The following IQSEC1 variants were observed in gnomAD, a reference collection of about 807,000 sequenced individuals.
IQSEC1 encodes the protein IQ motif and SEC7 domain-containing protein 1.
A neutral mutation model predicts 91.0 loss-of-function variants in IQSEC1; 31 were observed. The ratio of observed to expected loss-of-function variants is 0.34; its 90% confidence interval spans 0.26 to 0.46. The LOEUF is 0.46. Ranked by LOEUF, IQSEC1 falls within the 20% of genes least tolerant of loss-of-function variation. The pLI is 1.00. For missense variants in IQSEC1, 1,388 were observed against 1,575.6 expected, an observed-to-expected ratio of 0.88 and a Z score of 2.02; for synonymous variants, 699 against 662.6, an observed-to-expected ratio of 1.05 and a Z score of -0.84.
intron 1 of IQSEC1, among the ~76,000 whole-genome samples, chr3:13,209,649 G>A (rs1475924833): frequency 6.6e-6 from 1 of 152,190 alleles, no homozygotes; most frequent in African/African-American, 2.4e-5. Context: ...CACACTGAAG[G>A]TCTCTAGTTG....
intron 1 of IQSEC1, among the ~76,000 whole-genome samples, chr3:13,262,352 C>T (rs927650032): frequency 6.6e-6 from 1 of 152,232 alleles, no homozygotes; most frequent in African/African-American, 2.4e-5. Flanking sequence ...AGCCTGTCCC[C>T]GTCCCTCTTA....
chr3:13,070,842 A>G (rs1445296297), intron 1 of IQSEC1, among the ~76,000 whole-genome samples: 1 of 152,250 alleles, frequency 6.6e-6, no homozygotes, highest in Admixed American at 6.5e-5. Context: ...CAGGAAGGCT[A>G]GACGAGCTTA....
At chr3:13,097,107 A>G (rs1419902100) in intron 2 of IQSEC1, among the ~76,000 whole-genome samples, 1 of 151,844 alleles carries the variant, frequency 6.6e-6, no homozygotes, top group Non-Finnish European at 1.5e-5. Context: ...TGATCCGCCC[A>G]CCTCGGCCTC....
At chr3:13,164,704 C>T (rs959593882) in intron 1 of IQSEC1, among the ~76,000 whole-genome samples, 4 of 152,178 alleles carry the variant, frequency 2.6e-5, no homozygotes, top group East Asian at 1.9e-4. Flanking sequence ...TGAACTTTCA[C>T]GAAGACTGTG....
intron 1 of IQSEC1, among the ~76,000 whole-genome samples, chr3:13,035,418 C>G (rs192048441): frequency 6.6e-6 from 1 of 152,176 alleles, no homozygotes; most frequent in Non-Finnish European, 1.5e-5. Flanking sequence ...CAAGACCCAT[C>G]TCAGCTCTAA....
intron 1 of IQSEC1, chr3:12,986,991 G>A (rs936525240): frequency 1.1e-5 from 5 of 443,250 alleles, no homozygotes; most frequent in East Asian, 7.7e-5. Context: ...TGCTGTGGGT[G>A]GGGGCCTCCT....
At chr3:13,172,511 A>G (rs970396397) in intron 1 of IQSEC1, among the ~76,000 whole-genome samples, 1 of 152,204 alleles carries the variant, frequency 6.6e-6, no homozygotes, top group Non-Finnish European at 1.5e-5. Flanking sequence ...CGTTCCTGAA[A>G]GACTGCTTTT....
chr3:13,023,498 G>C (rs1703489765), intron 1 of IQSEC1, among the ~76,000 whole-genome samples: 1 of 152,182 alleles, frequency 6.6e-6, no homozygotes, highest in Non-Finnish European at 1.5e-5. Flanking sequence ...CAGGGCCCTG[G>C]GCATCATGTA....
intron 1 of IQSEC1, among the ~76,000 whole-genome samples, chr3:13,221,891 C>T (rs967892066): frequency 6.6e-6 from 1 of 152,236 alleles, no homozygotes; most frequent in Non-Finnish European, 1.5e-5. Flanking sequence ...CGAAAATGAG[C>T]CAGTTTCCTC....
In IQSEC1 at chr3:12,994,518, T is replaced by C. The variant is rs1054872930; in HGVS notation, c.24-52653A>G. On this transcript the variant is annotated intron_variant, in intron 1 of 13. Transcript: ENST00000613206. The surrounding 1 kb of genome is among the most constrained non-coding windows in gnomAD (Gnocchi z 4.5). Reference sequence around the variant, plus strand: ...CGGGGGCACTGCGACCCCCGGCATTTCCCTCAGACTACCCCAGACCCCCAA... The same window carrying C: ...CGGGGGCACTGCGACCCCCGGCATTCCCCTCAGACTACCCCAGACCCCCAA... Among the ~76,000 whole-genome samples the C allele has an allele frequency of 6.6e-6, 1 of 151,804 alleles. No homozygotes were observed. The highest frequency in any genetic ancestry group is 1.5e-5 in the Non-Finnish European group (1 of 67,920).
chr3:12,951,555 T>C (rs913685720), intron 1 of IQSEC1, among the ~76,000 whole-genome samples: 4 of 152,154 alleles, frequency 2.6e-5, no homozygotes, highest in Admixed American at 2.6e-4. Context: ...CGGTCAGCCA[T>C]ACCCACTTCT....
At chr3:12,964,121 T>G (rs935669187) in intron 1 of IQSEC1, among the ~76,000 whole-genome samples, 4 of 152,204 alleles carry the variant, frequency 2.6e-5, no homozygotes, top group Admixed American at 2.6e-4. Flanking sequence ...ATGCCATACT[T>G]CAACCATAAA....
At chr3:12,946,986 C>T (rs1292140900) in intron 1 of IQSEC1, among the ~76,000 whole-genome samples, 5 of 152,236 alleles carry the variant, frequency 3.3e-5, no homozygotes, top group African/African-American at 9.6e-5. Context: ...CCTTCCAACA[C>T]AGCACTCCAT....
intron 1 of IQSEC1, among the ~76,000 whole-genome samples, chr3:13,067,906 C>T (rs1448460114): frequency 6.6e-6 from 1 of 152,218 alleles, no homozygotes; most frequent in Non-Finnish European, 1.5e-5. Context: ...GTGCCAGGTC[C>T]TTTAGGGGCA....
At chr3:13,049,004 G>A (rs940671256) in intron 1 of IQSEC1, among the ~76,000 whole-genome samples, 8 of 152,186 alleles carry the variant, frequency 5.3e-5, no homozygotes, top group Admixed American at 2.0e-4. Flanking sequence ...GTGCCAAGAC[G>A]CTGTGAGCTC....
chr3:13,278,259 C>G (rs1695727872), intron 1 of IQSEC1, among the ~76,000 whole-genome samples: 1 of 152,048 alleles, frequency 6.6e-6, no homozygotes, highest in Non-Finnish European at 1.5e-5. Context: ...CCCCCCCCCA[C>G]CCCCAGCCTC....
rs377242973 is a variant in IQSEC1, at chr3:12,900,969, C to G, written c.*14G>C. 2 of 1,542,444 alleles carry G rather than the reference C, an allele frequency of 1.3e-6. No individual in the cohort carries two copies. The highest frequency in any genetic ancestry group is 2.7e-5 in the African/African-American group (2 of 73,024). ...CAGGTGTTTCAGGGAGCCTGGGACC[C>G]CTACCCAGGCTGTCTACACAATTGT... On this transcript the variant is annotated 3_prime_UTR_variant, in exon 14 of 14. Transcript: ENST00000613206.
At chr3:13,169,721 G>A (rs9844359) in intron 1 of IQSEC1, among the ~76,000 whole-genome samples, 3 of 152,056 alleles carry the variant, frequency 2.0e-5, no homozygotes, top group Non-Finnish European at 4.4e-5. Context: ...GAGACTGGCA[G>A]CATTTTGCCT....
intron 1 of IQSEC1, among the ~76,000 whole-genome samples, chr3:12,966,664 C>G (rs1047392483): frequency 9.2e-5 from 14 of 152,252 alleles, no homozygotes; most frequent in African/African-American, 3.4e-4. Flanking sequence ...CTGACCACAC[C>G]AGGTGCACAC....
Sources: allele counts gnomAD v4.1 joint callset (sites outside exome capture counted in the v4.1 genomes callset), GRCh38; gene constraint gnomAD v4.1.1; non-coding constraint Gnocchi (gnomAD v3.1); transcripts MANE v1.5; gene names NCBI Gene and HGNC (gene_info 2026-07-23, HGNC 2026-07-21).